The following PLEKHA8 variants were observed in gnomAD, a reference collection of about 807,000 sequenced individuals.
PLEKHA8 encodes pleckstrin homology domain-containing family A member 8.
PLEKHA8 carries 36 observed loss-of-function variants against 68.2 expected under a neutral mutation model. The ratio of observed to expected loss-of-function variants is 0.53; its 90% CI spans 0.40 to 0.70. PLEKHA8 has a LOEUF of 0.70. Ranked by LOEUF, PLEKHA8 falls within the 30% of genes least tolerant of loss-of-function variation. PLEKHA8 has a pLI of 0.00. For synonymous variants in PLEKHA8, 211 were observed against 216.1 expected (o/e 0.98, Z 0.20); for missense variants, 505 against 615.4 (o/e 0.82, Z 1.90).
chr7:30,052,153 G>C (rs182891896), intron 6 of PLEKHA8, among the ~76,000 whole-genome samples: 1 of 152,144 alleles, frequency 6.6e-6, no homozygotes, highest in African/African-American at 2.4e-5. Flanking sequence ...TCCTGATGCT[G>C]CTGGGGAGCA....
intron 2 of PLEKHA8, 123 bp from the exon 3 acceptor site, chr7:30,046,087 G>A (rs924973160): frequency 1.2e-6 from 1 of 867,256 alleles, no homozygotes; most frequent in Admixed American, 2.7e-5. Context: ...GTAATGACTG[G>A]CATCCTCTTT....
intron 1 of PLEKHA8, among the ~76,000 whole-genome samples, chr7:30,033,211 A>G (rs971876657): frequency 6.6e-6 from 1 of 152,230 alleles, no homozygotes; most frequent in Non-Finnish European, 1.5e-5. Context: ...TGATTTTAGT[A>G]TATATAAAAA....
chr7:30,079,876 T>A lies in PLEKHA8; in HGVS notation c.*1089T>A. On this transcript the variant is annotated 3_prime_UTR_variant, in exon 14 of 14. Transcript: ENST00000449726. Reference sequence around the variant, plus strand: ...CTAGTTTACAAAATTACCAGTTTTCTTCAAGAACTAAATGATATGTCCTTT... The same window carrying A: ...CTAGTTTACAAAATTACCAGTTTTCATCAAGAACTAAATGATATGTCCTTT... The A allele has an allele frequency of 1.0e-6, 1 of 977,196 alleles. No homozygotes were observed. Among genetic ancestry groups the A allele is most frequent in the Non-Finnish European group, 1.2e-6 (1 of 822,592 alleles). The allele number at this position is 977,196 out of a possible 1,614,324, so 60.5% of individuals were successfully genotyped here. A position where few individuals can be genotyped will look rare whatever the true frequency, so the allele number is the denominator to read the frequency against.
At chr7:30,116,642 G>A (rs1313706161) in intron 13 of PLEKHA8, among the ~76,000 whole-genome samples, 1 of 152,162 alleles carries the variant, frequency 6.6e-6, no homozygotes, top group Non-Finnish European at 1.5e-5. Flanking sequence ...TACATTTAAA[G>A]CAAGATCATG....
intron 13 of PLEKHA8, among the ~76,000 whole-genome samples, chr7:30,124,976 T>G (rs1796750220): frequency 6.6e-6 from 1 of 152,128 alleles, no homozygotes; most frequent in African/African-American, 2.4e-5. Flanking sequence ...TTGCCATTCT[T>G]TCGTCATAAT....
rs189970058 is a variant in PLEKHA8 at position 30,118,022 on chromosome 7, C to T, written c.1363-11244C>T. The T allele has an allele frequency of 7.9e-5, 120 of 1,524,880 alleles. No homozygotes were observed. In the African/African-American group the frequency reaches 1.4e-3, roughly 17 times the overall value. 94.5% of individuals were successfully genotyped at this position (1,524,880 alleles called of 1,614,324 possible). On this transcript the variant is annotated intron_variant, in intron 13 of 13. Transcript: ENST00000396257. ...AGGAGGGCTGTCACTCAGAATCAGG[C>T]GGGTGCAGAGTGGCCTGCAGGACAT...
At position 30,079,122 on chromosome 7, in the gene PLEKHA8, C is replaced by T. The variant is rs1410697794; in HGVS notation, c.*335C>T. 4 of 1,027,210 alleles carry T rather than the reference C, an allele frequency of 3.9e-6. No individual in the cohort carries two copies. The African/African-American group carries it at 6.9e-5, about 18-fold the overall frequency. The allele number at this position is 1,027,210 out of a possible 1,614,324, so 63.6% of individuals were successfully genotyped here. ...TTTATATTTTAGTCTAATGGGCCAC[C>T]CAAACCCAAGCTGAAAATCAGCAAA... is the stretch of plus-strand genomic sequence containing the variant. On this transcript the variant is annotated 3_prime_UTR_variant, in exon 14 of 14. Coordinates refer to ENST00000449726, the MANE Select transcript of PLEKHA8 (RefSeq NM_001197026.2).
At chr7:30,110,878 C>T (rs1214190081) in intron 13 of PLEKHA8, among the ~76,000 whole-genome samples, 1 of 148,788 alleles carries the variant, frequency 6.7e-6, no homozygotes, top group East Asian at 1.9e-4. Context: ...CTTTGCCCAA[C>T]TTTAATTGTG....
downstream of PLEKHA8, among the ~76,000 whole-genome samples, chr7:30,095,355 C>G (rs1450102470): frequency 6.6e-6 from 1 of 152,218 alleles, no homozygotes; most frequent in Non-Finnish European, 1.5e-5. Context: ...ATCCTTCACC[C>G]ACTTTTTAAT....
At chr7:30,123,596 A>G (rs1157966791) in intron 13 of PLEKHA8, among the ~76,000 whole-genome samples, 6 of 152,234 alleles carry the variant, frequency 3.9e-5, no homozygotes, top group Non-Finnish European at 5.9e-5. Context: ...AGGGAGAATA[A>G]TCAGGCACTT....
exon 13 of PLEKHA8, chr7:30,090,240 A>G (rs1246741144): frequency 6.5e-7 from 1 of 1,534,522 alleles, no homozygotes; most frequent in Middle Eastern, 1.7e-4. Context: ...CTCACCATTC[A>G]GGCAGAAAAA....
chr7:30,062,652 C>A lies in PLEKHA8; in HGVS notation c.1230-20C>A, dbSNP rs530184953. ...TAAGTGAACTTTGAAAATAATATTT[C>A]TTCCTTTATTTTGTTTTAGAGGTCT... is the stretch of plus-strand genomic sequence containing the variant. On this transcript the variant is annotated intron_variant, in intron 11 of 13. Coordinates refer to ENST00000449726, the MANE Select transcript of PLEKHA8 (RefSeq NM_001197026.2). 10 of 1,561,018 alleles carry A rather than the reference C, an allele frequency of 6.4e-6. No individual in the cohort carries two copies. The African/African-American group carries it at 9.5e-5, about 15-fold the overall frequency.
chr7:30,083,007 T>C lies in PLEKHA8; in HGVS notation c.*4220T>C, dbSNP rs1348257317. 5 of 984,792 alleles carry C rather than the reference T, an allele frequency of 5.1e-6. No individual in the cohort carries two copies. The highest frequency in any genetic ancestry group is 5.2e-4 in the Middle Eastern group (1 of 1,934). 61.0% of individuals were successfully genotyped at this position (984,792 alleles called of 1,614,324 possible). A position where few individuals can be genotyped will look rare whatever the true frequency, so the allele number is the denominator to read the frequency against. On this transcript the variant is annotated 3_prime_UTR_variant, in exon 14 of 14. Coordinates refer to ENST00000449726, the MANE Select transcript of PLEKHA8 (RefSeq NM_001197026.2). ...GTCACAGGTTTTACAAGTATTCAGC[T>C]CTCCCTCATGTTTCATTTCTTTTTT... is the stretch of plus-strand genomic sequence containing the variant.
chr7:30,126,599 G>T (rs543953763), intron 13 of PLEKHA8, among the ~76,000 whole-genome samples: 28 of 152,238 alleles, frequency 1.8e-4, no homozygotes, highest in African/African-American at 6.5e-4. Flanking sequence ...TTTGTAAATT[G>T]TATTAGTTTG....
intron 13 of PLEKHA8, among the ~76,000 whole-genome samples, chr7:30,099,484 C>G (rs1051187799): frequency 2.6e-5 from 4 of 152,338 alleles, no homozygotes; most frequent in African/African-American, 2.4e-5. Flanking sequence ...AGGCGAGGCA[C>G]AAAGTCTCCC....
At chr7:30,106,374 C>A (rs996747280) in intron 13 of PLEKHA8, among the ~76,000 whole-genome samples, 1 of 152,054 alleles carries the variant, frequency 6.6e-6, no homozygotes, top group Non-Finnish European at 1.5e-5. Flanking sequence ...ATCTTTAAGT[C>A]TTTAAACCAT....
intron 13 of PLEKHA8, chr7:30,115,706 A>T (rs1167109912): frequency 8.3e-6 from 1 of 120,392 alleles, no homozygotes; most frequent in Non-Finnish European, 1.9e-5. Flanking sequence ...GTATACATGT[A>T]TACATACGCG....
chr7:30,116,250 A>G (rs563992982), intron 13 of PLEKHA8, among the ~76,000 whole-genome samples: 3 of 141,346 alleles, frequency 2.1e-5, no homozygotes, highest in East Asian at 4.4e-4. Context: ...GTATACATGT[A>G]CACGTATACA....
chr7:30,058,591 T>C (rs1429851935), intron 9 of PLEKHA8, among the ~76,000 whole-genome samples: 1 of 152,064 alleles, frequency 6.6e-6, no homozygotes, highest in African/African-American at 2.4e-5. Context: ...TTATAATGCT[T>C]ATAATATGGG....
Sources: allele counts gnomAD v4.1 joint callset (sites outside exome capture counted in the v4.1 genomes callset), GRCh38; gene constraint gnomAD v4.1.1; transcripts MANE v1.5; gene names NCBI Gene and HGNC (gene_info 2026-07-23, HGNC 2026-07-21).